ASTN2: variants seen among roughly 807,000 people sequenced by gnomAD.
ASTN2 encodes the protein astrotactin-2.
In ASTN2, 54 loss-of-function variants were observed where a neutral mutation model predicts 139.8. That is an observed-to-expected ratio of 0.39 (90% CI 0.31 to 0.48). The LOEUF (loss-of-function observed/expected upper bound fraction) is 0.48. ASTN2 is among the 20% of genes least tolerant of loss of function. The pLI is 0.95. For missense variants in ASTN2, 1,565 were observed against 1,725.1 expected (o/e 0.91, Z 1.64); for synonymous variants, 756 against 719.5 (o/e 1.05, Z -0.81).
chr9:116,991,153 T>C (rs1244128548), intron 7 of ASTN2, among the ~76,000 whole-genome samples: 1 of 88,946 alleles, frequency 1.1e-5, no homozygotes, highest in Non-Finnish European at 3.2e-5. Context: ...AGCCAAAAGG[T>C]GGGGACACAC....
At chr9:117,023,613 G>A (rs2132619796) in intron 6 of ASTN2, among the ~76,000 whole-genome samples, 1 of 152,196 alleles carries the variant, frequency 6.6e-6, no homozygotes, top group South Asian at 2.1e-4. Context: ...CATGCTGCAG[G>A]CAGGGGCTGT....
intron 16 of ASTN2, among the ~76,000 whole-genome samples, chr9:116,693,598 A>ATGT (rs141943847): frequency 0.017 from 2,579 of 152,200 alleles, 79 homozygotes; most frequent in African/African-American, 0.059. Flanking sequence ...TGGTAGGCTG[A>ATGT]TGTTAGATGA....
chr9:116,923,747 T>C (rs1376726685), intron 10 of ASTN2, among the ~76,000 whole-genome samples: 1 of 152,148 alleles, frequency 6.6e-6, no homozygotes, highest in African/African-American at 2.4e-5. Flanking sequence ...ATCTCAGACT[T>C]GGAAGAAAGC....
intron 20 of ASTN2, among the ~76,000 whole-genome samples, chr9:116,447,428 C>T (rs1371166288): frequency 6.6e-6 from 1 of 152,174 alleles, no homozygotes; most frequent in Admixed American, 6.5e-5. Context: ...ACACCTGGTG[C>T]ACCAACGCTC....
At chr9:117,327,123 T>G (rs112481514) in intron 1 of ASTN2, among the ~76,000 whole-genome samples, 14 of 152,116 alleles carry the variant, frequency 9.2e-5, no homozygotes, top group African/African-American at 2.4e-4. Context: ...CACAATAGGG[T>G]TCGTGCTCCT....
rs376420806 is a variant in ASTN2 at position 117,006,875 on chromosome 9, G to C, written c.1591+1217C>G. ...CTCACACGTGTAATCCCAGCACTTT[G>C]GGAGGCCGAGGTGGGCGGATCATGA... On this transcript the variant is annotated intron_variant, in intron 7 of 22. Transcript: ENST00000313400. Among the ~76,000 whole-genome samples the C allele has an allele frequency of 2.3e-3, 357 of 152,264 alleles. 14 individuals carry two copies. In the South Asian group the frequency reaches 0.069, roughly 29 times the overall value.
chr9:116,683,395 G>A (rs1860008393), intron 16 of ASTN2, among the ~76,000 whole-genome samples: 1 of 152,144 alleles, frequency 6.6e-6, no homozygotes, highest in Non-Finnish European at 1.5e-5. Context: ...TAAAAGTGTT[G>A]TATGCCACAG....
intron 19 of ASTN2, among the ~76,000 whole-genome samples, chr9:116,579,752 G>A (rs970975533): frequency 1.3e-5 from 2 of 152,064 alleles, no homozygotes; most frequent in African/African-American, 4.8e-5. Flanking sequence ...AAATAACCCC[G>A]GCTCTGCTGT....
chr9:116,920,948 C>T (rs1230812069), intron 10 of ASTN2, among the ~76,000 whole-genome samples: 11 of 152,198 alleles, frequency 7.2e-5, no homozygotes, highest in Non-Finnish European at 1.3e-4. Context: ...TATTCTCACA[C>T]TGTTACAATG....
intron 16 of ASTN2, among the ~76,000 whole-genome samples, chr9:116,708,340 A>G (rs375151422): frequency 6.6e-6 from 1 of 152,202 alleles, no homozygotes; most frequent in African/African-American, 2.4e-5. Flanking sequence ...ACTTTAATCA[A>G]CAACTGGTAA....
chr9:117,194,496 A>G (rs1479931618), intron 3 of ASTN2, among the ~76,000 whole-genome samples: 1 of 152,242 alleles, frequency 6.6e-6, no homozygotes, highest in East Asian at 1.9e-4. Context: ...AATGTGTATT[A>G]TTTTGCAAAA....
intron 1 of ASTN2, among the ~76,000 whole-genome samples, chr9:117,371,297 C>T (rs1829983777): frequency 6.6e-6 from 1 of 152,108 alleles, no homozygotes; most frequent in African/African-American, 2.4e-5. Context: ...TTTTTCATTC[C>T]AAGTCAAACT....
At chr9:117,275,407 C>A (rs1834161868) in intron 2 of ASTN2, among the ~76,000 whole-genome samples, 1 of 152,124 alleles carries the variant, frequency 6.6e-6, no homozygotes, top group Non-Finnish European at 1.5e-5. Context: ...TATTTTCTTA[C>A]AGTTCTGGAG....
At chr9:117,082,534 A>G (rs905066597) in intron 5 of ASTN2, among the ~76,000 whole-genome samples, 3 of 152,210 alleles carry the variant, frequency 2.0e-5, no homozygotes, top group African/African-American at 7.2e-5. Context: ...GAAATAATAG[A>G]TCCCTTCCTT....
intron 2 of ASTN2, among the ~76,000 whole-genome samples, chr9:117,225,977 T>C (rs1260491201): frequency 1.3e-5 from 2 of 152,174 alleles, no homozygotes; most frequent in African/African-American, 4.8e-5. Flanking sequence ...AGTTGGTTTG[T>C]GGCAACAGGT....
Position 116,425,404 on chromosome 9 carries a change from T to A in ASTN2, c.*447A>T. 1 of 670,752 alleles carries A rather than the reference T, an allele frequency of 1.5e-6. No individual in the cohort carries two copies. Among genetic ancestry groups the A allele is most frequent in the Admixed American group, 2.9e-5 (1 of 34,350 alleles). 41.6% of individuals were successfully genotyped at this position (670,752 alleles called of 1,614,324 possible). On this transcript the variant is annotated 3_prime_UTR_variant, in exon 23 of 23. Transcript: ENST00000313400. ...ACCATCCTCAGAGCTTCCTTCCTGG[T>A]GCTGAAGAGGTCAAAACTGTCTCCT...
intron 10 of ASTN2, among the ~76,000 whole-genome samples, chr9:116,948,937 A>C (rs1292726512): frequency 6.6e-6 from 1 of 151,012 alleles, no homozygotes. Context: ...GATTACATGC[A>C]CACGCCACCA....
At chr9:116,627,136 C>T (rs918585630) in intron 17 of ASTN2, among the ~76,000 whole-genome samples, 5 of 152,198 alleles carry the variant, frequency 3.3e-5, no homozygotes. Context: ...TGTAAAAACA[C>T]ATAAAGGGAG....
intron 19 of ASTN2, among the ~76,000 whole-genome samples, chr9:116,573,620 C>T (rs973690414): frequency 6.8e-6 from 1 of 146,676 alleles, no homozygotes; most frequent in Admixed American, 6.8e-5. Flanking sequence ...CTACAAGAAT[C>T]ATGTTTTTTG....
Sources: allele counts gnomAD v4.1 joint callset (sites outside exome capture counted in the v4.1 genomes callset), GRCh38; gene constraint gnomAD v4.1.1; transcripts MANE v1.5; gene names NCBI Gene and HGNC (gene_info 2026-07-23, HGNC 2026-07-21).